Variants in OSMR observed in about 807,000 individuals in gnomAD.
The protein encoded by OSMR is oncostatin-M-specific receptor subunit beta.
A neutral mutation model predicts 99.9 loss-of-function variants in OSMR; 81 were observed. That is an observed-to-expected ratio of 0.81 (90% CI 0.68 to 0.97). The LOEUF (loss-of-function observed/expected upper bound fraction) is 0.97, where lower values mean the gene tolerates loss of function less well. Ranked by LOEUF, OSMR falls within the 50% of genes least tolerant of loss-of-function variation. OSMR has a pLI of 0.00. For synonymous variants in OSMR, 406 were observed against 410.4 expected, an observed-to-expected ratio of 0.99 and a Z score of 0.13; for missense variants, 1,099 against 1,153.4, an observed-to-expected ratio of 0.95 and a Z score of 0.68.
intron 12 of OSMR, 43 bp from the exon 13 acceptor site, chr5:38,923,107 A>G: frequency 6.2e-7 from 1 of 1,611,148 alleles, no homozygotes; most frequent in Non-Finnish European, 8.5e-7. Context: ...GAATTAGGAA[A>G]CATCATTCTG....
Position 38,925,154 on chromosome 5 carries a change from T to C in OSMR, c.2045-50T>C, listed in dbSNP as rs1166220507. 6 of 1,610,716 alleles carry C rather than the reference T, an allele frequency of 3.7e-6. No individual in the cohort carries two copies. The Admixed American group carries it at 8.4e-5, about 22-fold the overall frequency. ...TCTCACAAGATGTTTACAACACTTT[T>C]AATAAAATCTTTTTTTTCCTTGAAA... On this transcript the variant is annotated intron_variant, in intron 14 of 17. Transcript: ENST00000274276.
intron 15 of OSMR, among the ~76,000 whole-genome samples, chr5:38,925,794 C>T (rs1336517361): frequency 6.6e-6 from 1 of 152,196 alleles, no homozygotes; most frequent in African/African-American, 2.4e-5. Flanking sequence ...TAGCTTTCCT[C>T]TGGCTCATTT....
intron 3 of OSMR, among the ~76,000 whole-genome samples, chr5:38,878,596 G>A (rs1743016196): frequency 6.6e-6 from 1 of 152,156 alleles, no homozygotes; most frequent in Admixed American, 6.5e-5. Flanking sequence ...AAGGAGGCCA[G>A]GTGTGGGAGT....
intron 9 of OSMR, among the ~76,000 whole-genome samples, chr5:38,912,910 T>C (rs1327060061): frequency 6.6e-6 from 1 of 152,144 alleles, no homozygotes; most frequent in Admixed American, 6.5e-5. Flanking sequence ...CCTTTCACCA[T>C]GTAGAAAAAA....
Position 38,924,420 on chromosome 5 carries a change from A to G in OSMR, c.1871-2A>G. On this transcript the variant is annotated splice_acceptor_variant, in intron 13 of 17. Transcript: ENST00000274276. LOFTEE classifies it high-confidence loss of function. ...TTCTCTTATCCCAACTTCTTTTCCT[A>G]GCTCCTTCAGACAACCCTCACGTGC... 6.2e-7 allele frequency: 1 copy of G among 1,614,016 alleles called. No individual in the cohort carries two copies. The highest frequency in any genetic ancestry group is 8.5e-7 in the Non-Finnish European group (1 of 1,179,974).
At chr5:38,892,730 T>C (rs753839991) in intron 7 of OSMR, among the ~76,000 whole-genome samples, 1 of 152,018 alleles carries the variant, frequency 6.6e-6, no homozygotes, top group Non-Finnish European at 1.5e-5. Context: ...TCCCATGGCT[T>C]TCAACCACAT....
chr5:38,924,991 CA>C lies in OSMR; in HGVS notation c.2045-212del, dbSNP rs536940115. ...GGCTGGATCACTAGTACCCCTTGTT[CA>C]GTGGATTTTTTGCTTTTTGTGCCAT... On this transcript the variant is annotated intron_variant, in intron 14 of 17. Coordinates refer to ENST00000274276, the MANE Select transcript of OSMR (RefSeq NM_003999.3). The C allele has an allele frequency of 1.3e-4, 80 of 618,496 alleles. No homozygotes were observed. The Middle Eastern group carries it at 6.3e-3, about 49-fold the overall frequency. The allele number at this position is 618,496 out of a possible 1,614,324, so 38.3% of individuals were successfully genotyped here. A position where few individuals can be genotyped will look rare whatever the true frequency, so the allele number is the denominator to read the frequency against.
At chr5:38,917,740 C>T (rs1745993622) in intron 10 of OSMR, 118 bp downstream of exon 10, 1 of 749,736 alleles carries the variant, frequency 1.3e-6, no homozygotes, top group African/African-American at 1.7e-5. Context: ...GAGGGATCTT[C>T]ACATTCATCC....
intron 9 of OSMR, among the ~76,000 whole-genome samples, chr5:38,910,210 G>T (rs531250090): frequency 6.6e-6 from 1 of 152,110 alleles, no homozygotes; most frequent in Non-Finnish European, 1.5e-5. Context: ...ACACAAGAGC[G>T]CACAGATTCA....
At chr5:38,915,224 ATTT>A (rs1745825167) in intron 9 of OSMR, among the ~76,000 whole-genome samples, 1 of 152,242 alleles carries the variant, frequency 6.6e-6, no homozygotes, top group Non-Finnish European at 1.5e-5. Context: ...TGGACTTTGA[ATTT>A]ATGTTTTCAT....
Position 38,876,380 on chromosome 5 carries a change from A to G in OSMR, c.246+7A>G. 3 of 1,610,558 alleles carry G rather than the reference A, an allele frequency of 1.9e-6. No individual in the cohort carries two copies. In the African/African-American group the frequency reaches 4.0e-5, roughly 21 times the overall value. On this transcript the variant is annotated splice_region_variant and intron_variant, in intron 3 of 17. Transcript: ENST00000274276. ...ATCCAATGTCATCTGGGTGGTAAGTAATTTTTTTGGCTCAATATTTAAAAA... is the reference window on the plus strand; with the variant it reads ...ATCCAATGTCATCTGGGTGGTAAGTGATTTTTTTGGCTCAATATTTAAAAA...
At chr5:38,885,109 C>A in intron 5 of OSMR, 1 of 827,212 alleles carries the variant, frequency 1.2e-6, no homozygotes, top group Non-Finnish European at 1.5e-6. Flanking sequence ...ACTTGCATAA[C>A]ATGGACCATC....
Position 38,859,501 on chromosome 5 carries a change from G to T in OSMR, c.-13-9531G>T, listed in dbSNP as rs115001084. 7.0e-3 allele frequency among the ~76,000 whole-genome samples: 1,060 copies of T among 152,238 alleles called. 13 individuals are homozygous for T. The highest frequency in any genetic ancestry group is 0.024 in the African/African-American group (995 of 41,540). Reference sequence around the variant, plus strand: ...ATATCATGCTGTTTGGGTTACTGTAGTTTTGTAGTATATTTTGAAGGCAGG... The same window carrying T: ...ATATCATGCTGTTTGGGTTACTGTATTTTTGTAGTATATTTTGAAGGCAGG... On this transcript the variant is annotated intron_variant, in intron 1 of 17. Coordinates refer to ENST00000274276, the MANE Select transcript of OSMR (RefSeq NM_003999.3).
chr5:38,880,429 T>A (rs1743188231), intron 3 of OSMR, among the ~76,000 whole-genome samples: 2 of 152,088 alleles, frequency 1.3e-5, no homozygotes, highest in Non-Finnish European at 2.9e-5. Flanking sequence ...TGCCTGGAGC[T>A]TTGGGGGACA....
At chr5:38,914,998 G>C (rs1373166290) in intron 9 of OSMR, among the ~76,000 whole-genome samples, 2 of 152,114 alleles carry the variant, frequency 1.3e-5, no homozygotes, top group Non-Finnish European at 2.9e-5. Flanking sequence ...ATTATAAAAA[G>C]AGAGTTTCTA....
chr5:38,913,472 C>T (rs1283659294), intron 9 of OSMR, among the ~76,000 whole-genome samples: 1 of 151,640 alleles, frequency 6.6e-6, no homozygotes, highest in Non-Finnish European at 1.5e-5. Context: ...AAGGCATGAA[C>T]CCAGGAGGCG....
At chr5:38,905,321 T>A (rs1055878048) in intron 9 of OSMR, among the ~76,000 whole-genome samples, 1 of 151,974 alleles carries the variant, frequency 6.6e-6, no homozygotes, top group African/African-American at 2.4e-5. Context: ...AAACCCCATC[T>A]CTACTAAAAA....
chr5:38,921,818 C>A, intron 12 of OSMR, 24 bp downstream of exon 12: 1 of 1,568,702 alleles, frequency 6.4e-7, no homozygotes, highest in Non-Finnish European at 8.8e-7. Context: ...TCCATATCAT[C>A]GCATTGCTAT....
chr5:38,941,585 A>C (rs904638537), intron 1 of OSMR: 1 of 231,404 alleles, frequency 4.3e-6, no homozygotes, highest in African/African-American at 2.2e-5. Context: ...AATTTTATTC[A>C]AGAACTGTAG....
Sources: gnomAD v4.1 joint callset for allele counts (sites outside exome capture counted in the v4.1 genomes callset) on GRCh38, gnomAD v4.1.1 for gene constraint, MANE v1.5 for transcripts, NCBI Gene and HGNC (gene_info 2026-07-23, HGNC 2026-07-21) for gene names.